The following OPRM1 variants were observed in gnomAD, a reference collection of about 807,000 sequenced individuals.
OPRM1 encodes the protein opioid receptor mu 1, also known as mu-type opioid receptor.
OPRM1 carries 27 observed loss-of-function variants against 31.8 expected under a neutral mutation model. The ratio of observed to expected loss-of-function variants is 0.85; its 90% CI spans 0.63 to 1.17. OPRM1 has a LOEUF of 1.17. OPRM1 is among the 50% of genes most tolerant of loss of function. The probability of loss-of-function intolerance (pLI) is 0.00; values close to 1 mark genes in which losing one functional copy is unlikely to be tolerated. For synonymous variants in OPRM1, 196 were observed against 189.9 expected, an observed-to-expected ratio of 1.03 and a Z score of -0.26; for missense variants, 536 against 511.1, an observed-to-expected ratio of 1.05 and a Z score of -0.47.
chr6:154,110,604 A>T (rs1035721528), intron 3 of OPRM1, among the ~76,000 whole-genome samples: 1 of 151,896 alleles, frequency 6.6e-6, no homozygotes, highest in Non-Finnish European at 1.5e-5. Flanking sequence ...ATTAGGACTC[A>T]TTGGCCGGGC....
rs1797292639 is a variant in OPRM1, at chr6:154,121,427, C to T, written c.*2706C>T. On this transcript the variant is annotated 3_prime_UTR_variant, in exon 4 of 4. Coordinates refer to ENST00000330432, the MANE Select transcript of OPRM1 (RefSeq NM_000914.5). ...ACCCTGCTATCCTATCCCAACAGGG[C>T]TGTCAGACGGAGAACTCCTAATGTG... Among the ~76,000 whole-genome samples, 1 of 152,168 alleles carries T rather than the reference C, an allele frequency of 6.6e-6. No individual in the cohort carries two copies. The highest frequency in any genetic ancestry group is 2.1e-4 in the South Asian group (1 of 4,836).
chr6:154,119,006 C>T lies in OPRM1; in HGVS notation c.*285C>T, dbSNP rs1797157997. On this transcript the variant is annotated 3_prime_UTR_variant, in exon 4 of 4. Coordinates refer to ENST00000330432, the MANE Select transcript of OPRM1 (RefSeq NM_000914.5). ...ATCGTGGTATGTGAATTGAAGTCAT[C>T]ATAAAAGGTGACCCTTCTGTCTGTA... 1 of 1,165,402 alleles carries T rather than the reference C, an allele frequency of 8.6e-7. No homozygotes were observed. Among genetic ancestry groups the T allele is most frequent in the South Asian group, 3.8e-5 (1 of 26,108 alleles). 72.2% of individuals were successfully genotyped at this position (1,165,402 alleles called of 1,614,324 possible). A position where few individuals can be genotyped will look rare whatever the true frequency, so the allele number is the denominator to read the frequency against.
At chr6:154,214,381 G>A in intron 3 of OPRM1, 1 of 821,264 alleles carries the variant, frequency 1.2e-6, no homozygotes, top group South Asian at 1.4e-5. Context: ...TCTACCATCA[G>A]TCTGCACATT....
chr6:154,134,770 C>G (rs778115827), downstream of OPRM1, among the ~76,000 whole-genome samples: 1 of 151,876 alleles, frequency 6.6e-6, no homozygotes, highest in African/African-American at 2.4e-5. Context: ...AGCTGAGCAG[C>G]GAATTTAAAA....
Position 154,207,568 on chromosome 6 carries a change from G to GTT in OPRM1, c.1165-39119_1165-39118dup, listed in dbSNP as rs67463270. Among the ~76,000 whole-genome samples, 232 of 143,748 alleles carry GTT rather than the reference G, an allele frequency of 1.6e-3. 1 individual carries two copies. In the East Asian group the frequency reaches 0.04, roughly 25 times the overall value. The allele number at this position is 143,748 out of a possible 152,430, so 94.3% of individuals were successfully genotyped here. A position where few individuals can be genotyped will look rare whatever the true frequency, so the allele number is the denominator to read the frequency against. On this transcript the variant is annotated intron_variant, in intron 3 of 3. Coordinates refer to the OPRM1 transcript ENST00000337049. ...GTTTAAACTTTTTGGGGTTTTTTTT[G>GTT]TTTTTTTGTTTTTCTGTAAAGACGG... is the stretch of plus-strand genomic sequence containing the variant.
intron 3 of OPRM1, among the ~76,000 whole-genome samples, chr6:154,144,024 T>G (rs1050432553): frequency 4.6e-5 from 7 of 152,034 alleles, no homozygotes; most frequent in Non-Finnish European, 1.0e-4. Context: ...AAAAGGATAA[T>G]AAAGAAATAC....
chr6:154,132,431 G>C (rs1797946115), downstream of OPRM1, among the ~76,000 whole-genome samples: 1 of 152,142 alleles, frequency 6.6e-6, no homozygotes, highest in African/African-American at 2.4e-5. Context: ...AGTAAATGTT[G>C]CGACGTAGGT....
intron 1 of OPRM1, among the ~76,000 whole-genome samples, chr6:154,063,807 C>T (rs1784843468): frequency 6.6e-6 from 1 of 151,884 alleles, no homozygotes; most frequent in Non-Finnish European, 1.5e-5. Context: ...CAAAGTTGAT[C>T]CATGTTGTAG....
At chr6:154,188,493 C>G (rs1018280092) in intron 3 of OPRM1, among the ~76,000 whole-genome samples, 5 of 152,134 alleles carry the variant, frequency 3.3e-5, no homozygotes, top group African/African-American at 1.2e-4. Context: ...TGTGTATGCA[C>G]GCATGTGCAT....
At chr6:154,214,492 G>A (rs1472673747) in intron 3 of OPRM1, among the ~76,000 whole-genome samples, 1 of 152,142 alleles carries the variant, frequency 6.6e-6, no homozygotes, top group Non-Finnish European at 1.5e-5. Context: ...ATGTGAGGTG[G>A]CCCATTACTC....
chr6:154,152,347 G>GAAAGGAAAGAAAGAAAGAAAGAAAGAAA, intron 3 of OPRM1, among the ~76,000 whole-genome samples: 4 of 65,176 alleles, frequency 6.1e-5, no homozygotes, highest in African/African-American at 1.1e-4. Flanking sequence ...AAGAAAGAAA[G>GAAAGGAAAGAAAGAAAGAAAGAAAGAAA]GAAAGAAAGA....
At chr6:154,162,942 G>A (rs71567967) in intron 3 of OPRM1, among the ~76,000 whole-genome samples, 2,832 of 152,056 alleles carry the variant, frequency 0.019, 45 homozygotes, top group Non-Finnish European at 0.031. Flanking sequence ...CACCAAACCC[G>A]GTTCCTACCG....
At chr6:154,027,019 G>C (rs926919499) in intron 1 of OPRM1, among the ~76,000 whole-genome samples, 1 of 152,132 alleles carries the variant, frequency 6.6e-6, no homozygotes, top group Non-Finnish European at 1.5e-5. Context: ...GTAGATGTTT[G>C]TCTGTGTTTG....
At chr6:154,154,790 T>C (rs1241754577) in intron 3 of OPRM1, 3 of 152,598 alleles carry the variant, frequency 2.0e-5, no homozygotes, top group Non-Finnish European at 4.4e-5. Context: ...AAATGAGCCA[T>C]GCCTCTTTTT....
At chr6:154,223,319 G>C (rs548471826) in intron 3 of OPRM1, 3 of 1,087,564 alleles carry the variant, frequency 2.8e-6, no homozygotes, top group Non-Finnish European at 4.1e-6. Context: ...CATATACATG[G>C]AATAGGGATG....
At chr6:154,156,459 C>T (rs1250271178) in intron 3 of OPRM1, 2 of 152,256 alleles carry the variant, frequency 1.3e-5, no homozygotes, top group Non-Finnish European at 2.9e-5. Context: ...AGTCCTGAGA[C>T]TCAAGTTCCT....
intron 3 of OPRM1, among the ~76,000 whole-genome samples, chr6:154,202,691 C>G (rs1478510947): frequency 1.3e-5 from 2 of 152,166 alleles, no homozygotes; most frequent in Admixed American, 1.3e-4. Flanking sequence ...CCTCAAAACT[C>G]TGCTTAAAGT....
chr6:154,116,007 T>C (rs1796838033), intron 3 of OPRM1, among the ~76,000 whole-genome samples: 1 of 152,160 alleles, frequency 6.6e-6, no homozygotes, highest in Non-Finnish European at 1.5e-5. Flanking sequence ...TTGTTTTGGA[T>C]TGCAGAGACC....
intron 1 of OPRM1, among the ~76,000 whole-genome samples, chr6:154,068,493 A>G (rs1202676254): frequency 2.6e-5 from 4 of 152,158 alleles, no homozygotes; most frequent in Non-Finnish European, 5.9e-5. Context: ...TGCACTCAAC[A>G]TTATGTCCTC....
Sources: allele counts gnomAD v4.1 joint callset (sites outside exome capture counted in the v4.1 genomes callset), GRCh38; gene constraint gnomAD v4.1.1; transcripts MANE v1.5; gene names NCBI Gene and HGNC (gene_info 2026-07-23, HGNC 2026-07-21).